The following RAB6A variants were observed in gnomAD, a reference collection of about 807,000 sequenced individuals.
The protein encoded by RAB6A is ras-related protein Rab-6A.
Under a neutral mutation model 32.3 loss-of-function variants are expected in RAB6A, and 8 were observed. That is an observed-to-expected ratio of 0.25 (90% CI 0.15 to 0.45). The LOEUF (loss-of-function observed/expected upper bound fraction) is 0.45. RAB6A is among the 20% of genes least tolerant of loss of function. The pLI is 1.00. For synonymous variants in RAB6A, 73 were observed against 82.1 expected (o/e 0.89, Z 0.60); for missense variants, 104 against 249.4 (o/e 0.42, Z 3.93).
At chr11:73,710,557 T>G (rs1056420039) in intron 5 of RAB6A, among the ~76,000 whole-genome samples, 2 of 151,636 alleles carry the variant, frequency 1.3e-5, no homozygotes, top group African/African-American at 4.8e-5. Context: ...GCCAACATGA[T>G]AAAACCCCAT....
chr11:73,722,318 T>C (rs1280053053), intron 2 of RAB6A: 2 of 8,226 alleles, frequency 2.4e-4, no homozygotes, highest in Non-Finnish European at 5.2e-4. Flanking sequence ...TATATATATA[T>C]ATATATATAT....
At chr11:73,728,599 T>G (rs1213951166) in intron 2 of RAB6A, among the ~76,000 whole-genome samples, 1 of 58,410 alleles carries the variant, frequency 1.7e-5, no homozygotes, top group Non-Finnish European at 3.9e-5. Flanking sequence ...ATAGCAAATC[T>G]GTCTTTGTTT....
intron 5 of RAB6A, among the ~76,000 whole-genome samples, chr11:73,708,469 G>A (rs1205880109): frequency 2.0e-5 from 3 of 151,988 alleles, no homozygotes; most frequent in Admixed American, 6.6e-5. Flanking sequence ...GTGCCCAGCC[G>A]ATTTTGTGGA....
intron 1 of RAB6A, among the ~76,000 whole-genome samples, chr11:73,750,907 C>T (rs1431666365): frequency 6.6e-6 from 1 of 152,050 alleles, no homozygotes; most frequent in East Asian, 1.9e-4. Context: ...GCCTCAACCT[C>T]CTATGCTCAA....
intron 1 of RAB6A, among the ~76,000 whole-genome samples, chr11:73,752,644 G>A (rs1049793637): frequency 2.0e-5 from 3 of 151,912 alleles, no homozygotes; most frequent in Non-Finnish European, 4.4e-5. Flanking sequence ...ATGGCAAAAC[G>A]CCATCTCTAC....
intron 1 of RAB6A, among the ~76,000 whole-genome samples, chr11:73,743,147 CA>C (rs969216493): frequency 4.0e-5 from 6 of 151,078 alleles, no homozygotes; most frequent in East Asian, 1.9e-4. Flanking sequence ...AATACACACA[CA>C]AAAAAAATTA....
chr11:73,693,730 A>T lies in RAB6A; in HGVS notation c.495+13690T>A, dbSNP rs114984387. Among the ~76,000 whole-genome samples the T allele has an allele frequency of 6.2e-3, 948 of 152,070 alleles. 11 individuals carry two copies. The highest frequency in any genetic ancestry group is 0.022 in the African/African-American group (902 of 41,496). ...GAGACCTCGTCTCTACTAAAAATTT[A>T]AAAAATCAGGTGTGGTGGTGGACGC... On this transcript the variant is annotated intron_variant, in intron 6 of 7. Transcript: ENST00000336083.
intron 2 of RAB6A, among the ~76,000 whole-genome samples, chr11:73,723,141 C>T (rs1399976350): frequency 6.6e-6 from 1 of 152,028 alleles, no homozygotes; most frequent in African/African-American, 2.4e-5. Context: ...CACGTACTTG[C>T]AAGTACTGTG....
chr11:73,715,286 C>T (rs1215677808), intron 5 of RAB6A, among the ~76,000 whole-genome samples: 1 of 152,072 alleles, frequency 6.6e-6, no homozygotes, highest in Non-Finnish European at 1.5e-5. Flanking sequence ...GCCACAGCGC[C>T]CAGCTAATTT....
At chr11:73,694,448 T>G (rs1945625858) in intron 6 of RAB6A, among the ~76,000 whole-genome samples, 1 of 152,218 alleles carries the variant, frequency 6.6e-6, no homozygotes, top group Non-Finnish European at 1.5e-5. Context: ...AATGGAGTAT[T>G]TTTTATATGG....
At chr11:73,686,784 A>G (rs1040714405) in intron 6 of RAB6A, among the ~76,000 whole-genome samples, 1 of 152,144 alleles carries the variant, frequency 6.6e-6, no homozygotes, top group African/African-American at 2.4e-5. Flanking sequence ...CTATATTCAC[A>G]TATCTACCTA....
rs1308952864 is a variant in RAB6A, at chr11:73,730,793, A to G, written c.101T>C (p.Met34Thr). 6.2e-7 allele frequency: 1 copy of G among 1,600,496 alleles called. No homozygotes were observed. Among genetic ancestry groups the G allele is most frequent in the Admixed American group, 1.8e-5 (1 of 55,818 alleles). The stretch of plus-strand genomic sequence containing the variant: ...ATAGGTGTTGTCAAAACTGTCATAC[A>G]TGAATCTGGTGATCAAAGATGTCTT... ...VGKTSLITRF[M>T]YDSFDNTYQA... Residue 34 changes from methionine to threonine, a missense_variant, in exon 2 of 8, where the codon ATG (methionine) becomes ACG (threonine). Coordinates refer to ENST00000336083, the MANE Select transcript of RAB6A (RefSeq NM_198896.2).
intron 6 of RAB6A, among the ~76,000 whole-genome samples, chr11:73,682,290 T>C (rs1291696762): frequency 1.3e-5 from 2 of 152,034 alleles, no homozygotes; most frequent in Non-Finnish European, 2.9e-5. Context: ...GAGACCTTGT[T>C]TTAAAAAACA....
chr11:73,682,495 C>T (rs1945376476), intron 6 of RAB6A, among the ~76,000 whole-genome samples: 1 of 152,112 alleles, frequency 6.6e-6, no homozygotes, highest in South Asian at 2.1e-4. Context: ...AACCCCATCT[C>T]TACTAAAAAT....
chr11:73,752,825 A>G (rs981228052), intron 1 of RAB6A, among the ~76,000 whole-genome samples: 2 of 152,136 alleles, frequency 1.3e-5, no homozygotes, highest in African/African-American at 2.4e-5. Context: ...CTCAAAAAAA[A>G]GAAAAAAAAA....
chr11:73,727,801 G>C (rs964070843), intron 2 of RAB6A, among the ~76,000 whole-genome samples: 3 of 152,160 alleles, frequency 2.0e-5, no homozygotes, highest in Non-Finnish European at 2.9e-5. Context: ...CAAGACAGCA[G>C]CAGTTAATGA....
intron 1 of RAB6A, among the ~76,000 whole-genome samples, chr11:73,740,157 T>C (rs1014331049): frequency 1.3e-5 from 2 of 152,184 alleles, no homozygotes; most frequent in African/African-American, 4.8e-5. Flanking sequence ...TCAATAACAT[T>C]GGCCAGATAG....
intron 3 of RAB6A, among the ~76,000 whole-genome samples, chr11:73,720,269 A>C (rs189409061): frequency 6.8e-6 from 1 of 146,398 alleles, no homozygotes; most frequent in Non-Finnish European, 1.5e-5. Flanking sequence ...CAACCTCTGC[A>C]TCCTGGATTC....
At chr11:73,760,514 G>T in intron 1 of RAB6A, 52 bp downstream of exon 1, 1 of 1,545,014 alleles carries the variant, frequency 6.5e-7, no homozygotes, top group South Asian at 1.2e-5. Context: ...CACCGGGGGC[G>T]GTGCGGGGAC....
Sources: gnomAD v4.1 joint callset for allele counts (sites outside exome capture counted in the v4.1 genomes callset) on GRCh38, gnomAD v4.1.1 for gene constraint, MANE v1.5 for transcripts, NCBI Gene and HGNC (gene_info 2026-07-23, HGNC 2026-07-21) for gene names.